The following ZNF283 variants were observed in gnomAD, a reference collection of about 807,000 sequenced individuals.
ZNF283 encodes zinc finger protein 283.
A neutral mutation model predicts 9.2 loss-of-function variants in ZNF283; 10 were observed. That is an observed-to-expected ratio of 1.09 (90% CI 0.67 to 1.85). The LOEUF is 1.85. Among genes scored for constraint, ZNF283 ranks in the 40% most tolerant of loss-of-function variants. The pLI is 0.00. For synonymous variants in ZNF283, 234 were observed against 244.1 expected (o/e 0.96, Z 0.38); for missense variants, 631 against 760.1 (o/e 0.83, Z 2.00).
chr19:43,832,352 A>G (rs1970746660), intron 3 of ZNF283, among the ~76,000 whole-genome samples: 1 of 152,244 alleles, frequency 6.6e-6, no homozygotes, highest in Admixed American at 6.5e-5. Flanking sequence ...CAGGAGGTAG[A>G]ATAAGAAGGT....
intron 6 of ZNF283, chr19:43,840,633 T>C (rs1220216573): frequency 1.3e-5 from 2 of 152,202 alleles, no homozygotes; most frequent in African/African-American, 4.8e-5. Flanking sequence ...CTTGTTGTTA[T>C]GGAAGTGCCT....
rs749674094 is a variant in ZNF283 at position 43,846,977 on chromosome 19, T to C, written c.376T>C (p.Ser126Pro). ...SKTYETKKIF[S>P]ENDIFEINFS... ...AACGTATGAGACCAAAAAAATATTT[T>C]CAGAAAATGATATTTTTGAAATAAA... Residue 126 changes from serine to proline, a missense_variant, in exon 7 of 7, where the codon TCA becomes CCA. This residue lies in a region of ZNF283 where 184 missense variants were observed against 220.0 expected (regional missense o/e 0.84). Coordinates refer to ENST00000618787, the MANE Select transcript of ZNF283 (RefSeq NM_181845.2). The C allele has an allele frequency of 1.9e-6, 3 of 1,583,556 alleles. No homozygotes were observed. The African/African-American group carries it at 4.1e-5, about 22-fold the overall frequency.
intron 6 of ZNF283, among the ~76,000 whole-genome samples, chr19:43,846,061 A>G (rs1971390945): frequency 6.6e-6 from 1 of 152,152 alleles, no homozygotes; most frequent in African/African-American, 2.4e-5. Flanking sequence ...TTCCTCTTTT[A>G]TGAATATCTT....
Position 43,850,090 on chromosome 19 carries a change from G to C in ZNF283, c.*1449G>C, listed in dbSNP as rs897407412. On this transcript the variant is annotated 3_prime_UTR_variant, in exon 7 of 7. Coordinates refer to ENST00000618787, the MANE Select transcript of ZNF283 (RefSeq NM_181845.2). ...AAAAAATGAGACTTGAAAAAATCCA[G>C]ACTTTTGAAGAGTTTAGGAAAGCTG... is the stretch of plus-strand genomic sequence containing the variant. The C allele has an allele frequency of 5.9e-5, 9 of 152,174 alleles. No individual in the cohort carries two copies. The highest frequency in any genetic ancestry group is 2.2e-4 in the African/African-American group (9 of 41,434). 9.4% of individuals were successfully genotyped at this position (152,174 alleles called of 1,614,324 possible).
At chr19:43,828,319 ATACAAT>A (rs1970559772) in intron 2 of ZNF283, 38 bp downstream of exon 2, 1 of 152,176 alleles carries the variant, frequency 6.6e-6, no homozygotes, top group African/African-American at 2.4e-5. Flanking sequence ...ATACATACAC[ATACAAT>A]TACCTTTGCT....
At position 43,848,800 on chromosome 19, in the gene ZNF283, A is replaced by G. The variant is rs2146595796; in HGVS notation, c.*159A>G. Reference sequence around the variant, plus strand: ...TGCTATCCAGCAATTCATACTAGTGAGAAATATTTTGAATATAATTAATAT... The same window carrying G: ...TGCTATCCAGCAATTCATACTAGTGGGAAATATTTTGAATATAATTAATAT... On this transcript the variant is annotated 3_prime_UTR_variant, in exon 7 of 7. Transcript: ENST00000618787. 3.2e-6 allele frequency: 2 copies of G among 632,586 alleles called. No individual in the cohort carries two copies. The highest frequency in any genetic ancestry group is 5.7e-5 in the East Asian group (2 of 35,316). The allele number at this position is 632,586 out of a possible 1,614,324, so 39.2% of individuals were successfully genotyped here.
At chr19:43,835,700 C>T (rs1970947837) in intron 5 of ZNF283, 108 bp downstream of exon 5, 3 of 835,986 alleles carry the variant, frequency 3.6e-6, no homozygotes, top group Non-Finnish European at 5.8e-6. Context: ...CCCAAGTTTT[C>T]CACAGAGATA....
In ZNF283 at chr19:43,847,386, C is replaced by T. The variant is rs781373508; in HGVS notation, c.785C>T (p.Pro262Leu). The T allele has an allele frequency of 1.5e-5, 24 of 1,613,792 alleles. No homozygotes were observed. In the South Asian group the frequency reaches 2.0e-4, roughly 13 times the overall value. Reference sequence around the variant, plus strand: ...CAGAGATTTCATACTGGTGAGAAACCCTATGAGTGTAAGGAATGTGGGAAG... The same window carrying T: ...CAGAGATTTCATACTGGTGAGAAACTCTATGAGTGTAAGGAATGTGGGAAG... Reference protein sequence around the residue: ...VHQRFHTGEKPYECKECGKTF... With the variant: ...VHQRFHTGEKLYECKECGKTF... Residue 262 changes from proline to leucine, a missense_variant, in exon 7 of 7, where the codon CCC becomes CTC. Physicochemically the swap from Pro to Leu is moderately conservative, Grantham distance 98. Around this residue, in one of 3 missense-constraint regions of ZNF283, gnomAD observed 444 missense variants for 522.5 expected, o/e 0.85. Transcript: ENST00000618787.
intron 3 of ZNF283, among the ~76,000 whole-genome samples, chr19:43,831,973 G>A (rs1446804748): frequency 2.2e-5 from 3 of 133,736 alleles, no homozygotes; most frequent in Non-Finnish European, 3.4e-5. Flanking sequence ...TGAGCCTATG[G>A]GTCTGTTTTT....
Position 43,847,917 on chromosome 19 carries a change from C to T in ZNF283, c.1316C>T (p.Ala439Val). Residue 439 changes from alanine to valine, a missense_variant, in exon 7 of 7, where the codon GCC becomes GTC. This residue lies in a region of ZNF283 where 444 missense variants were observed against 522.5 expected (regional missense o/e 0.85). Coordinates refer to ENST00000618787, the MANE Select transcript of ZNF283 (RefSeq NM_181845.2). ...TATGAATGTAAAGAATGTGGAAAGG[C>T]CTTTAGTCGTGGCTATCACCTTTCT... ...KPYECKECGK[A>V]FSRGYHLSQH... 1 of 1,613,572 alleles carries T rather than the reference C, an allele frequency of 6.2e-7. No homozygotes were observed. The highest frequency in any genetic ancestry group is 8.5e-7 in the Non-Finnish European group (1 of 1,179,868).
chr19:43,831,206 G>A (rs1226100960), intron 2 of ZNF283, 112 bp from the exon 3 acceptor site: 18 of 616,980 alleles, frequency 2.9e-5, no homozygotes, highest in Non-Finnish European at 4.4e-5. Flanking sequence ...GTGGAAAGGT[G>A]CAGCCGTACT....
Position 43,849,177 on chromosome 19 carries a change from T to C in ZNF283, c.*536T>C, listed in dbSNP as rs895053462. The C allele has an allele frequency of 6.6e-6, 1 of 152,304 alleles. No homozygotes were observed. The highest frequency in any genetic ancestry group is 2.4e-5 in the African/African-American group (1 of 41,464). The allele number at this position is 152,304 out of a possible 1,614,324, so 9.4% of individuals were successfully genotyped here. On this transcript the variant is annotated 3_prime_UTR_variant, in exon 7 of 7. Transcript: ENST00000618787. ...TATAGGAAGGCCTTTAGACAAATGC[T>C]ACCCAAATTATTATCCAGAGACTGG...
At chr19:43,836,966 T>C (rs1971007023) in intron 5 of ZNF283, 87 bp from the exon 6 acceptor site, 1 of 1,442,420 alleles carries the variant, frequency 6.9e-7, no homozygotes, top group Non-Finnish European at 9.6e-7. Flanking sequence ...TCTCCCCCTC[T>C]TTGTAGTTCA....
At position 43,848,086 on chromosome 19, in the gene ZNF283, CT is replaced by C; in HGVS notation, c.1489del (p.Cys497ValfsTer90). On this transcript the variant is annotated frameshift_variant, in exon 7 of 7. Transcript: ENST00000618787. LOFTEE classifies it low-confidence loss of function (END_TRUNC). The stretch of plus-strand genomic sequence containing the variant: ...ATGAATGTAAAGAATGCGGAAAGAC[CT>C]TTTGTAGTGGGTATCAACTTACTCG... ...SHECKECGKT[F>X]CSGYQLTRHQ... 6.2e-7 allele frequency: 1 copy of C among 1,608,682 alleles called. No homozygotes were observed. The highest frequency in any genetic ancestry group is 1.1e-5 in the South Asian group (1 of 90,838).
chr19:43,846,924 C>G lies in ZNF283; in HGVS notation c.338-15C>G. ...TGAAGGAAATAAAATGTGTGGTTTT[C>G]TTGTTTTCTTTCAGATTTGGAGTCA... On this transcript the variant is annotated splice_polypyrimidine_tract_variant and intron_variant, in intron 6 of 6. Coordinates refer to ENST00000618787, the MANE Select transcript of ZNF283 (RefSeq NM_181845.2). The G allele has an allele frequency of 5.8e-6, 7 of 1,210,858 alleles. No homozygotes were observed. The highest frequency in any genetic ancestry group is 7.5e-6 in the Non-Finnish European group (7 of 932,898). 75.0% of individuals were successfully genotyped at this position (1,210,858 alleles called of 1,614,324 possible). A position where few individuals can be genotyped will look rare whatever the true frequency, so the allele number is the denominator to read the frequency against.
In ZNF283 at chr19:43,848,237, A is replaced by G. The variant is rs200357004; in HGVS notation, c.1636A>G (p.Lys546Glu). ...TACAGGGGAGAAACCCTATGAATGTAAAGAATGTGGGAAGGCTTTTAGTCG... is the reference window on the plus strand; with the variant it reads ...TACAGGGGAGAAACCCTATGAATGTGAAGAATGTGGGAAGGCTTTTAGTCG... ...IHTGEKPYECKECGKAFSRGY... is the reference protein window; with the variant it reads ...IHTGEKPYECEECGKAFSRGY... Residue 546 changes from lysine to glutamate, a missense_variant, in exon 7 of 7, where the codon AAA becomes GAA. By Grantham distance (56) the Lys-to-Glu change is moderately conservative (BLOSUM62 1). This residue lies in a region of ZNF283 where 444 missense variants were observed against 522.5 expected (regional missense o/e 0.85). Transcript: ENST00000618787. 2 of 1,613,946 alleles carry G rather than the reference A, an allele frequency of 1.2e-6. No individual in the cohort carries two copies. Among genetic ancestry groups the G allele is most frequent in the Admixed American group, 3.3e-5 (2 of 59,994 alleles).
chr19:43,845,050 C>A (rs528501570), intron 6 of ZNF283, among the ~76,000 whole-genome samples: 2 of 152,190 alleles, frequency 1.3e-5, no homozygotes, highest in African/African-American at 4.8e-5. Flanking sequence ...AAAGTCATAA[C>A]CTGTGGGTAC....
At position 43,847,546 on chromosome 19, in the gene ZNF283, T is replaced by C; in HGVS notation, c.945T>C (p.Gly315=). 6.2e-7 allele frequency: 1 copy of C among 1,601,828 alleles called. No individual in the cohort carries two copies. The highest frequency in any genetic ancestry group is 1.1e-5 in the South Asian group (1 of 90,486). Residue 315 remains glycine, a synonymous_variant, in exon 7 of 7, where the codon GGT becomes GGC. Coordinates refer to ENST00000618787, the MANE Select transcript of ZNF283 (RefSeq NM_181845.2). Reference sequence around the variant, plus strand: ...CCCAACATCAGAAAATTCATACTGGTGTGAAATCTTATAAATGTAAGGAAT... The same window carrying C: ...CCCAACATCAGAAAATTCATACTGGCGTGAAATCTTATAAATGTAAGGAAT... ...HLTQHQKIHT[G]VKSYKCKECG...
At chr19:43,837,531 T>C (rs2146551571) in intron 6 of ZNF283, 1 of 349,686 alleles carries the variant, frequency 2.9e-6, no homozygotes, top group Non-Finnish European at 5.1e-6. Context: ...TGGCCAGCCT[T>C]GTGCTGAGCA....
Sources: allele counts gnomAD v4.1 joint callset (sites outside exome capture counted in the v4.1 genomes callset), GRCh38; gene constraint gnomAD v4.1.1; regional missense constraint gnomAD v4.1.1; transcripts MANE v1.5; gene names NCBI Gene and HGNC (gene_info 2026-07-23, HGNC 2026-07-21).